XKR9: variants seen among roughly 807,000 people sequenced by gnomAD.
XKR9 encodes the protein XK-related protein 9.
A neutral mutation model predicts 32.0 loss-of-function variants in XKR9; 32 were observed. The ratio of observed to expected loss-of-function variants is 1.00; its 90% CI spans 0.76 to 1.34. The LOEUF (loss-of-function observed/expected upper bound fraction) is 1.34. XKR9 is among the 40% of genes most tolerant of loss of function. The pLI, the probability that XKR9 is intolerant of heterozygous loss-of-function variation, is 0.00. For missense variants in XKR9, 546 were observed against 429.7 expected (o/e 1.27, Z -2.39); for synonymous variants, 168 against 143.4 (o/e 1.17, Z -1.22).
the XKR9 span, among the ~76,000 whole-genome samples, chr8:70,816,101 C>G: frequency 2.0e-5 from 3 of 152,038 alleles, no homozygotes; most frequent in Non-Finnish European, 2.9e-5. Flanking sequence ...GCCTGGGCGA[C>G]AAGAGCAAAA....
chr8:71,064,007 T>C, the XKR9 span, among the ~76,000 whole-genome samples: 2 of 152,206 alleles, frequency 1.3e-5, no homozygotes, highest in Non-Finnish European at 2.9e-5. Flanking sequence ...AATTTAGTAG[T>C]TACACTCTAT....
intron 2 of XKR9, among the ~76,000 whole-genome samples, chr8:70,743,355 A>G (rs1807014958): frequency 6.6e-6 from 1 of 152,104 alleles, no homozygotes; most frequent in Non-Finnish European, 1.5e-5. Flanking sequence ...AAATCTGTCC[A>G]CTAATTCCAA....
rs552751896 is a variant in XKR9 at position 70,764,029 on chromosome 8, C to A, written n.353-25310C>A. On this transcript the variant is annotated intron_variant and non_coding_transcript_variant, in intron 2 of 3. Coordinates refer to the XKR9 transcript ENST00000520273. ...GCTGCGTCTGTCTCAAGTTTTTAGCCACATACTGCAGATAGTTTTGAGTCT... is the reference window on the plus strand; with the variant it reads ...GCTGCGTCTGTCTCAAGTTTTTAGCAACATACTGCAGATAGTTTTGAGTCT... Among the ~76,000 whole-genome samples the A allele has an allele frequency of 3.9e-4, 59 of 152,296 alleles. 1 individual carries two copies. Among genetic ancestry groups the A allele is most frequent in the Middle Eastern group, 3.4e-3 (1 of 294 alleles).
chr8:70,879,342 C>A, the XKR9 span, among the ~76,000 whole-genome samples: 1 of 151,320 alleles, frequency 6.6e-6, no homozygotes, highest in Non-Finnish European at 1.5e-5. Flanking sequence ...CACAAAAATC[C>A]CTTTAAAAAA....
the XKR9 span, among the ~76,000 whole-genome samples, chr8:70,879,259 G>A: frequency 6.6e-6 from 1 of 152,102 alleles, no homozygotes; most frequent in East Asian, 1.9e-4. Flanking sequence ...AGAGAAGCAA[G>A]AGCAAACAAA....
chr8:70,999,020 T>C, the XKR9 span, among the ~76,000 whole-genome samples: 1 of 152,250 alleles, frequency 6.6e-6, no homozygotes, highest in East Asian at 1.9e-4. Context: ...GGAACAGATA[T>C]GGAGGGCTGA....
the XKR9 span, among the ~76,000 whole-genome samples, chr8:70,899,760 A>G: frequency 2.0e-5 from 3 of 152,172 alleles, no homozygotes; most frequent in African/African-American, 7.2e-5. Flanking sequence ...AGATGCTTCC[A>G]TGTCAGCACA....
At chr8:70,773,200 AGT>A (rs1316937435) in intron 2 of XKR9, among the ~76,000 whole-genome samples, 2 of 152,184 alleles carry the variant, frequency 1.3e-5, no homozygotes, top group East Asian at 3.8e-4. Flanking sequence ...GCAGTTTACA[AGT>A]GTCTTTGAGG....
At chr8:71,021,215 T>G in the XKR9 span, among the ~76,000 whole-genome samples, 1 of 152,178 alleles carries the variant, frequency 6.6e-6, no homozygotes, top group Non-Finnish European at 1.5e-5. Context: ...CTGAGGGATC[T>G]GCCTCCATGA....
intron 1 of XKR9, among the ~76,000 whole-genome samples, chr8:70,672,896 C>G (rs1818761932): frequency 6.6e-6 from 1 of 152,154 alleles, no homozygotes; most frequent in Non-Finnish European, 1.5e-5. Flanking sequence ...TCTGTACCCT[C>G]TTTTTGGTGG....
At chr8:70,902,060 G>A in the XKR9 span, among the ~76,000 whole-genome samples, 1 of 152,190 alleles carries the variant, frequency 6.6e-6, no homozygotes, top group Non-Finnish European at 1.5e-5. Context: ...CTGTAGCCTT[G>A]TAGTATAGTT....
the XKR9 span, among the ~76,000 whole-genome samples, chr8:71,050,286 GATATAGAT>G: frequency 2.4e-5 from 3 of 126,852 alleles, no homozygotes; most frequent in East Asian, 5.2e-4. Flanking sequence ...TATAGATATA[GATATAGAT>G]ATATATATAG....
At chr8:70,940,344 A>G in the XKR9 span, among the ~76,000 whole-genome samples, 1 of 152,174 alleles carries the variant, frequency 6.6e-6, no homozygotes, top group Non-Finnish European at 1.5e-5. Context: ...ATATAATTAT[A>G]TACTTTATGA....
intron 2 of XKR9, among the ~76,000 whole-genome samples, chr8:70,761,028 G>A (rs148209864): frequency 5.3e-5 from 8 of 152,196 alleles, no homozygotes; most frequent in Non-Finnish European, 7.4e-5. Flanking sequence ...CCATGTTTCC[G>A]CAAAAGACAT....
intron 4 of XKR9, among the ~76,000 whole-genome samples, chr8:70,709,626 C>G (rs1051363475): frequency 6.6e-6 from 1 of 152,058 alleles, no homozygotes; most frequent in Non-Finnish European, 1.5e-5. Context: ...GATCGATGTA[C>G]AAAACAGTAG....
downstream of XKR9, among the ~76,000 whole-genome samples, chr8:70,791,155 A>G (rs757604628): frequency 2.6e-5 from 4 of 152,018 alleles, no homozygotes; most frequent in Admixed American, 2.0e-4. Flanking sequence ...AATCTATTCC[A>G]TGAATACTTC....
chr8:70,932,324 A>G, the XKR9 span, among the ~76,000 whole-genome samples: 1 of 152,086 alleles, frequency 6.6e-6, no homozygotes, highest in Non-Finnish European at 1.5e-5. Flanking sequence ...GGGAAAAATT[A>G]ATTGCATCTC....
chr8:70,781,225 G>GA (rs1171634246), intron 2 of XKR9, among the ~76,000 whole-genome samples: 1 of 151,732 alleles, frequency 6.6e-6, no homozygotes, highest in Non-Finnish European at 1.5e-5. Context: ...ATCTTTTTTG[G>GA]AAAAATATCT....
In XKR9 at chr8:70,682,108, G is replaced by A. The variant is rs149024869; in HGVS notation, c.272+778G>A. Among the ~76,000 whole-genome samples, 21 of 152,240 alleles carry A rather than the reference G, an allele frequency of 1.4e-4. No homozygotes were observed. The East Asian group carries it at 3.3e-3, about 24-fold the overall frequency. ...TTAATATGTAAAAGAAACAGAATGT[G>A]CAGTGAGAAAGAAGTTTATAGGTTT... On this transcript the variant is annotated intron_variant, in intron 3 of 4. Coordinates refer to ENST00000408926, the MANE Select transcript of XKR9 (RefSeq NM_001011720.2).
Sources: gnomAD v4.1 joint callset for allele counts (sites outside exome capture counted in the v4.1 genomes callset) on GRCh38, gnomAD v4.1.1 for gene constraint, MANE v1.5 for transcripts, NCBI Gene and HGNC (gene_info 2026-07-23, HGNC 2026-07-21) for gene names.